SYTL3: variants seen among roughly 807,000 people sequenced by gnomAD.
The protein encoded by SYTL3 is synaptotagmin like 3, also known as synaptotagmin-like protein 3.
Under a neutral mutation model 82.1 loss-of-function variants are expected in SYTL3, and 88 were observed. The observed-to-expected ratio is 1.07, with a 90% CI of 0.90 to 1.28. The LOEUF is 1.28. Among genes scored for constraint, SYTL3 ranks in the 50% most tolerant of loss-of-function variants. The pLI is 0.00. For synonymous variants in SYTL3, 311 were observed against 289.4 expected (o/e 1.07, Z -0.76); for missense variants, 831 against 757.6 (o/e 1.10, Z -1.14).
At position 158,693,855 on chromosome 6, in the gene SYTL3, C is replaced by CTTTTCTTTTCTTTTTT. The variant is rs71030191; in HGVS notation, c.394+10870_394+10871insCTTTTCTTTTTTTTTT. 1.2e-4 allele frequency among the ~76,000 whole-genome samples: 12 copies of CTTTTCTTTTCTTTTTT among 96,864 alleles called. 2 individuals carry two copies. Among genetic ancestry groups the CTTTTCTTTTCTTTTTT allele is most frequent in the African/African-American group, 4.8e-4 (9 of 18,590 alleles). The allele number at this position is 96,864 out of a possible 152,430, so 63.5% of individuals were successfully genotyped here. On this transcript the variant is annotated intron_variant, in intron 6 of 17. Transcript: ENST00000611299. ...TGCATCCAGCCTTTCTTTTTCTTTT[C>CTTTTCTTTTCTTTTTT]TTTTTTTTTTTTTTTTTTGTAGATA...
At chr6:158,684,313 T>G (rs1327426327) in intron 6 of SYTL3, among the ~76,000 whole-genome samples, 1 of 152,212 alleles carries the variant, frequency 6.6e-6, no homozygotes, top group Admixed American at 6.5e-5. Flanking sequence ...GGCCTGATAC[T>G]TTAAAGGAGG....
At chr6:158,720,164 G>A (rs1783914120) in intron 10 of SYTL3, among the ~76,000 whole-genome samples, 2 of 152,086 alleles carry the variant, frequency 1.3e-5, no homozygotes. Context: ...CACTCTGGGA[G>A]GCTGAAGTGG....
At chr6:158,654,767 GC>G (rs1391531376) in intron 2 of SYTL3, among the ~76,000 whole-genome samples, 28 of 152,288 alleles carry the variant, frequency 1.8e-4, no homozygotes, top group African/African-American at 6.0e-4. Context: ...CTGGGTATGA[GC>G]CCAGACTGTC....
At chr6:158,717,709 C>T (rs1341595472) in intron 9 of SYTL3, among the ~76,000 whole-genome samples, 2 of 152,128 alleles carry the variant, frequency 1.3e-5, no homozygotes, top group Non-Finnish European at 2.9e-5. Context: ...TAAGGAACCC[C>T]TAGAAAGCCG....
chr6:158,663,009 C>T lies in SYTL3; in HGVS notation c.-260C>T. ...CAGCTGCTGCAGAACCCGGTGAAAACACCCCCCGGGTAGCACGAGGCTCTG... is the reference window on the plus strand; with the variant it reads ...CAGCTGCTGCAGAACCCGGTGAAAATACCCCCCGGGTAGCACGAGGCTCTG... On this transcript the variant is annotated 5_prime_UTR_variant, in exon 4 of 18. Coordinates refer to ENST00000611299, the MANE Select transcript of SYTL3 (RefSeq NM_001242394.2). The T allele has an allele frequency of 2.9e-6, 1 of 348,564 alleles. No homozygotes were observed. 21.6% of individuals were successfully genotyped at this position (348,564 alleles called of 1,614,324 possible). A position where few individuals can be genotyped will look rare whatever the true frequency, so the allele number is the denominator to read the frequency against.
At chr6:158,700,536 A>G (rs1781070938) in intron 6 of SYTL3, among the ~76,000 whole-genome samples, 1 of 151,782 alleles carries the variant, frequency 6.6e-6, no homozygotes, top group South Asian at 2.1e-4. Flanking sequence ...GTTAATACAC[A>G]TTTGGTTGTA....
chr6:158,675,089 T>C (rs894124), intron 5 of SYTL3, among the ~76,000 whole-genome samples: 38,948 of 152,046 alleles, frequency 0.26, 8,604 homozygotes, highest in African/African-American at 0.6. Flanking sequence ...AATGTTAGAC[T>C]TACTCAATTT....
chr6:158,741,805 G>A (rs1421823448), intron 11 of SYTL3, among the ~76,000 whole-genome samples: 4 of 152,078 alleles, frequency 2.6e-5, no homozygotes, highest in Admixed American at 1.3e-4. Context: ...CCCACTTATC[G>A]AGCTTTTTCA....
intron 11 of SYTL3, among the ~76,000 whole-genome samples, chr6:158,745,083 C>G (rs1787441924): frequency 6.6e-6 from 1 of 152,000 alleles, no homozygotes; most frequent in Admixed American, 6.6e-5. Context: ...TATCTGATTC[C>G]CAGTCGCAGC....
intron 5 of SYTL3, among the ~76,000 whole-genome samples, chr6:158,677,416 G>T (rs1778169934): frequency 6.6e-6 from 1 of 152,136 alleles, no homozygotes; most frequent in African/African-American, 2.4e-5. Flanking sequence ...GTGGGGAGCG[G>T]GGAGGGATAG....
At chr6:158,736,488 C>T (rs971769201) in intron 11 of SYTL3, among the ~76,000 whole-genome samples, 1 of 150,096 alleles carries the variant, frequency 6.7e-6, no homozygotes, top group Non-Finnish European at 1.5e-5. Context: ...GGGATATATT[C>T]ATGTATAATA....
At chr6:158,698,670 AC>A (rs147897031) in intron 6 of SYTL3, among the ~76,000 whole-genome samples, 5,893 of 152,300 alleles carry the variant, frequency 0.039, 404 homozygotes, top group African/African-American at 0.13. Context: ...CAGGTCGGAC[AC>A]TGCACAAGGG....
chr6:158,653,428 C>T (rs770226121), intron 2 of SYTL3, among the ~76,000 whole-genome samples: 1 of 151,966 alleles, frequency 6.6e-6, no homozygotes, highest in Non-Finnish European at 1.5e-5. Context: ...ATTTCATGAA[C>T]CTGGGAGGCG....
intron 14 of SYTL3, among the ~76,000 whole-genome samples, chr6:158,759,898 AT>A (rs555573032): frequency 2.7e-4 from 40 of 149,852 alleles, no homozygotes; most frequent in South Asian, 4.2e-4. Context: ...TTTTTTTGTG[AT>A]TTTTTTTTTA....
At position 158,763,149 on chromosome 6, in the gene SYTL3, G is replaced by A. The variant is rs538502371; in HGVS notation, c.1518-155G>A. ...AATTCGGCCCTAAGGGAAATGTGCC[G>A]AGTCCTGTGGTTCCCACCCTGCTTC... On this transcript the variant is annotated intron_variant, in intron 16 of 17. Transcript: ENST00000611299. Among the ~76,000 whole-genome samples the A allele has an allele frequency of 5.9e-5, 9 of 151,580 alleles. No homozygotes were observed. In the South Asian group the frequency reaches 1.2e-3, roughly 21 times the overall value.
At chr6:158,739,994 CTTT>C (rs35026438) in intron 11 of SYTL3, among the ~76,000 whole-genome samples, 7 of 105,570 alleles carry the variant, frequency 6.6e-5, no homozygotes, top group Non-Finnish European at 9.2e-5. Context: ...AGGCAACTTA[CTTT>C]TTTTTTTTTT....
intron 12 of SYTL3, among the ~76,000 whole-genome samples, chr6:158,750,818 T>C (rs11962280): frequency 0.011 from 1,642 of 152,250 alleles, 23 homozygotes; most frequent in African/African-American, 0.037. Context: ...TTTTTTGAGA[T>C]GGAATTTCGC....
At chr6:158,668,391 G>C (rs1202239798) in intron 5 of SYTL3, among the ~76,000 whole-genome samples, 1 of 152,160 alleles carries the variant, frequency 6.6e-6, no homozygotes, top group Non-Finnish European at 1.5e-5. Context: ...GCCACGCCTG[G>C]CTAATTTTTA....
At chr6:158,685,089 G>T (rs1412300657) in intron 6 of SYTL3, among the ~76,000 whole-genome samples, 1 of 152,222 alleles carries the variant, frequency 6.6e-6, no homozygotes, top group East Asian at 1.9e-4. Context: ...AAATAGGTAA[G>T]ATTTGCTACC....
Sources: gnomAD v4.1 joint callset for allele counts (sites outside exome capture counted in the v4.1 genomes callset) on GRCh38, gnomAD v4.1.1 for gene constraint, MANE v1.5 for transcripts, NCBI Gene and HGNC (gene_info 2026-07-23, HGNC 2026-07-21) for gene names.